STRN: variants seen among roughly 807,000 people sequenced by gnomAD.
STRN encodes protein phosphatase 2 regulatory subunit B'''alpha.
Under a neutral mutation model 96.3 loss-of-function variants are expected in STRN, and 53 were observed. That is an observed-to-expected ratio of 0.55 (90% CI 0.44 to 0.69). The LOEUF is 0.69. STRN is among the 30% of genes least tolerant of loss of function. STRN has a pLI of 0.00. For synonymous variants in STRN, 428 were observed against 355.9 expected (o/e 1.20, Z -2.28); for missense variants, 987 against 963.9 (o/e 1.02, Z -0.32).
rs953289869 is a variant in STRN, at chr2:36,858,019, A to C, written c.1674T>G (p.Pro558=). The C allele has an allele frequency of 1.5e-5, 24 of 1,593,344 alleles. No homozygotes were observed. Among genetic ancestry groups the C allele is most frequent in the Non-Finnish European group, 2.1e-5 (24 of 1,168,006 alleles). The change falls in exon 14 of 18, where the codon CCT becomes CCG. Residue 558 remains proline (P), a synonymous_variant. Coordinates refer to ENST00000263918, the MANE Select transcript of STRN (RefSeq NM_003162.4). Reference sequence around the variant, plus strand: ...CTAGCAGAGGGCCTCGTAAAACAGAAGGATCTATACAAAACAGTAAAAATG... The same window carrying C: ...CTAGCAGAGGGCCTCGTAAAACAGACGGATCTATACAAAACAGTAAAAATG... ...PNIDPYDSYD[P]SVLRGPLLGH...
At chr2:36,865,856 G>A (rs1420819886) in intron 12 of STRN, among the ~76,000 whole-genome samples, 2 of 152,026 alleles carry the variant, frequency 1.3e-5, no homozygotes, top group Non-Finnish European at 2.9e-5. Context: ...CACTGCACTG[G>A]CCGAGATCTA....
chr2:36,876,341 T>C (rs1181572092), intron 10 of STRN, among the ~76,000 whole-genome samples: 2 of 151,914 alleles, frequency 1.3e-5, no homozygotes, highest in African/African-American at 4.8e-5. Flanking sequence ...AAGGAGTCCA[T>C]TTAGATTAGA....
rs1047052152 is a variant in STRN at position 36,846,406 on chromosome 2, TATATATATATATA to T, written c.*3037_*3049del. 2 of 130,404 alleles carry T rather than the reference TATATATATATATA, an allele frequency of 1.5e-5. 1 individual carries two copies. Among genetic ancestry groups the T allele is most frequent in the African/African-American group, 6.0e-5 (2 of 33,536 alleles). 8.1% of individuals were successfully genotyped at this position (130,404 alleles called of 1,614,324 possible). On this transcript the variant is annotated 3_prime_UTR_variant, in exon 18 of 18. Coordinates refer to ENST00000263918, the MANE Select transcript of STRN (RefSeq NM_003162.4). ...TATGGTTTATATATATATATATATA[TATATATATATATA>T]TATATATATAGTTTATATATTATAT...
At chr2:36,963,117 C>A (rs755769174) in intron 1 of STRN, among the ~76,000 whole-genome samples, 4 of 152,100 alleles carry the variant, frequency 2.6e-5, no homozygotes, top group Non-Finnish European at 5.9e-5. Flanking sequence ...ATAAGATGAG[C>A]AAGAGTGAAA....
chr2:36,876,113 A>C (rs879870690), intron 10 of STRN, among the ~76,000 whole-genome samples: 2 of 151,972 alleles, frequency 1.3e-5, no homozygotes, highest in African/African-American at 2.4e-5. Flanking sequence ...TACCAAAAAT[A>C]AAGGAAAGTA....
intron 3 of STRN, among the ~76,000 whole-genome samples, chr2:36,906,490 T>TGAATGAATGAATGAATGAATG (rs1392171915): frequency 5.9e-5 from 9 of 151,908 alleles, no homozygotes. Flanking sequence ...AATGAATGAA[T>TGAATGAATGAATGAATGAATG]GAGTAACAAA....
intron 3 of STRN, among the ~76,000 whole-genome samples, chr2:36,906,082 G>A (rs1406560318): frequency 6.6e-6 from 1 of 152,136 alleles, no homozygotes; most frequent in Non-Finnish European, 1.5e-5. Flanking sequence ...TTTCCATGAT[G>A]TGACTAGTAC....
intron 1 of STRN, among the ~76,000 whole-genome samples, chr2:36,948,797 G>A (rs542041787): frequency 6.6e-6 from 1 of 152,126 alleles, no homozygotes; most frequent in African/African-American, 2.4e-5. Flanking sequence ...GAAAGCTGAG[G>A]GTATCCAAAT....
chr2:36,849,234 G>T lies in STRN; in HGVS notation c.*222C>A. ...GCCTATTGGGGAGAAATTTGAAACAGACCTCAGGCTCACAGATTCAGCTGA... is the reference window on the plus strand; with the variant it reads ...GCCTATTGGGGAGAAATTTGAAACATACCTCAGGCTCACAGATTCAGCTGA... On this transcript the variant is annotated 3_prime_UTR_variant, in exon 18 of 18. Coordinates refer to ENST00000263918, the MANE Select transcript of STRN (RefSeq NM_003162.4). The T allele has an allele frequency of 1.9e-6, 1 of 529,600 alleles. No individual in the cohort carries two copies. Among genetic ancestry groups the T allele is most frequent in the South Asian group, 3.0e-5 (1 of 33,128 alleles). 32.8% of individuals were successfully genotyped at this position (529,600 alleles called of 1,614,324 possible).
chr2:36,871,702 T>C (rs543938141), intron 10 of STRN, among the ~76,000 whole-genome samples: 1 of 152,348 alleles, frequency 6.6e-6, no homozygotes, highest in Admixed American at 6.5e-5. Flanking sequence ...ATTAACTCAC[T>C]TAGTCCTCAA....
chr2:36,851,240 G>C, intron 15 of STRN, 133 bp from the exon 16 acceptor site: 3 of 608,902 alleles, frequency 4.9e-6, no homozygotes, highest in African/African-American at 1.9e-5. Flanking sequence ...ATCCAAGCAC[G>C]TTGGGAGGCC....
intron 4 of STRN, among the ~76,000 whole-genome samples, chr2:36,903,563 G>T (rs780829682): frequency 6.6e-6 from 1 of 152,146 alleles, no homozygotes; most frequent in African/African-American, 2.4e-5. Flanking sequence ...TAATAAAAAC[G>T]ACAGACAAAC....
intron 14 of STRN, 85 bp downstream of exon 14, chr2:36,857,771 T>G: frequency 8.6e-7 from 1 of 1,162,956 alleles, no homozygotes; most frequent in South Asian, 1.9e-5. Context: ...TTTAAAGAGT[T>G]CAGGGAATCA....
chr2:36,851,670 G>C (rs1199056428), intron 15 of STRN, among the ~76,000 whole-genome samples: 1 of 152,120 alleles, frequency 6.6e-6, no homozygotes, highest in Non-Finnish European at 1.5e-5. Context: ...GCTTAGTCTA[G>C]AGCCACTAAC....
intron 15 of STRN, among the ~76,000 whole-genome samples, chr2:36,852,504 A>G (rs1183333905): frequency 6.6e-6 from 1 of 152,206 alleles, no homozygotes; most frequent in Non-Finnish European, 1.5e-5. Flanking sequence ...ATCTAGGGGA[A>G]TAGGAGCATG....
At chr2:36,877,370 C>A (rs1668941982) in intron 10 of STRN, among the ~76,000 whole-genome samples, 1 of 152,116 alleles carries the variant, frequency 6.6e-6, no homozygotes, top group Non-Finnish European at 1.5e-5. Flanking sequence ...ACAAATCATA[C>A]TCAATTATGG....
rs528945363 is a variant in STRN, at chr2:36,878,939, G to C, written c.1187-912C>G. Among the ~76,000 whole-genome samples, 35 of 151,854 alleles carry C rather than the reference G, an allele frequency of 2.3e-4. No individual in the cohort carries two copies. The South Asian group carries it at 7.1e-3, about 31-fold the overall frequency. On this transcript the variant is annotated intron_variant, in intron 9 of 17. Coordinates refer to ENST00000263918, the MANE Select transcript of STRN (RefSeq NM_003162.4). ...GGTTAATTTTTGTATTTTTAGTAGA[G>C]ACGGGGTTTCACCATGTTGGCCAGG...
At chr2:36,849,837 T>C in intron 16 of STRN, 37 bp from the exon 17 acceptor site, 1 of 1,588,840 alleles carries the variant, frequency 6.3e-7, no homozygotes, top group Non-Finnish European at 8.6e-7. Flanking sequence ...TATTAATGCC[T>C]TTCCTCATCT....
rs1474214532 is a variant in STRN at position 36,849,007 on chromosome 2, C to T, written c.*449G>A. The T allele has an allele frequency of 6.3e-6, 1 of 158,552 alleles. No individual in the cohort carries two copies. The highest frequency in any genetic ancestry group is 2.4e-5 in the African/African-American group (1 of 41,466). 9.8% of individuals were successfully genotyped at this position (158,552 alleles called of 1,614,324 possible). A position where few individuals can be genotyped will look rare whatever the true frequency, so the allele number is the denominator to read the frequency against. Reference sequence around the variant, plus strand: ...AATATGGCAGATATGATAAAGATTACTATTTTGACTACTTAATGTGTTTTA... The same window carrying T: ...AATATGGCAGATATGATAAAGATTATTATTTTGACTACTTAATGTGTTTTA... On this transcript the variant is annotated 3_prime_UTR_variant, in exon 18 of 18. Transcript: ENST00000263918.
Sources: allele counts gnomAD v4.1 joint callset (sites outside exome capture counted in the v4.1 genomes callset), GRCh38; gene constraint gnomAD v4.1.1; transcripts MANE v1.5; gene names NCBI Gene and HGNC (gene_info 2026-07-23, HGNC 2026-07-21).